CEP295: variants seen among roughly 807,000 people sequenced by gnomAD.
CEP295 encodes the protein centrosomal protein of 295 kDa.
CEP295 carries 190 observed loss-of-function variants against 291.6 expected under a neutral mutation model. The observed-to-expected ratio is 0.65, with a 90% CI of 0.58 to 0.73. The LOEUF (loss-of-function observed/expected upper bound fraction) is 0.73. Among genes scored for constraint, CEP295 ranks in the 30% least tolerant of loss-of-function variants. The pLI is 0.00. For missense variants in CEP295, 2,863 were observed against 2,949.4 expected, an observed-to-expected ratio of 0.97 and a Z score of 0.68; for synonymous variants, 993 against 1,038.8, an observed-to-expected ratio of 0.96 and a Z score of 0.85.
At chr11:93,677,340 A>T (rs1950743895) in intron 6 of CEP295, among the ~76,000 whole-genome samples, 1 of 152,106 alleles carries the variant, frequency 6.6e-6, no homozygotes, top group Admixed American at 6.5e-5. Flanking sequence ...TCATTTGTTC[A>T]GTCAGCCTTT....
intron 15 of CEP295, among the ~76,000 whole-genome samples, chr11:93,701,881 C>T (rs1050689458): frequency 1.3e-5 from 2 of 152,126 alleles, no homozygotes; most frequent in Non-Finnish European, 1.5e-5. Context: ...GGATTACAGG[C>T]GTGAGCCACT....
chr11:93,696,984 A>T lies in CEP295; in HGVS notation c.2072A>T (p.Glu691Val), dbSNP rs1366933597. Residue 691 changes from glutamate (E) to valine (V), a missense_variant, in exon 15 of 30, where the codon GAA (glutamate) becomes GTA (valine). By Grantham distance (121) the Glu-to-Val change is moderately radical. Coordinates refer to ENST00000325212, the MANE Select transcript of CEP295 (RefSeq NM_033395.2). ...HFPQRQVETT[E>V]TLRASDILTN... The stretch of plus-strand genomic sequence containing the variant: ...CCACAAAGACAGGTGGAAACAACAG[A>T]AACATTACGCGCTTCAGATATTTTA... 1 of 1,551,770 alleles carries T rather than the reference A, an allele frequency of 6.4e-7. No individual in the cohort carries two copies. Among genetic ancestry groups the T allele is most frequent in the Admixed American group, 2.0e-5 (1 of 51,014 alleles).
At chr11:93,676,905 T>TAGAAAAA (rs529483517) in intron 6 of CEP295, among the ~76,000 whole-genome samples, 49 of 152,156 alleles carry the variant, frequency 3.2e-4, no homozygotes, top group African/African-American at 1.1e-3. Context: ...GATAAAGGGT[T>TAGAAAAA]AGAAAAAAGT....
intron 5 of CEP295, among the ~76,000 whole-genome samples, chr11:93,673,684 G>T (rs1950553246): frequency 6.6e-6 from 1 of 151,826 alleles, no homozygotes; most frequent in Admixed American, 6.6e-5. Context: ...GTAGAGAAGG[G>T]GTTTCTCCAT....
In CEP295 at chr11:93,730,070, A is replaced by G; in HGVS notation, c.7689A>G (p.Glu2563=). The G allele has an allele frequency of 6.4e-7, 1 of 1,550,754 alleles. No individual in the cohort carries two copies. The highest frequency in any genetic ancestry group is 8.7e-7 in the Non-Finnish European group (1 of 1,146,712). Residue 2563 remains glutamate (E), a synonymous_variant, in exon 29 of 30, where the codon GAA becomes GAG. Coordinates refer to ENST00000325212, the MANE Select transcript of CEP295 (RefSeq NM_033395.2). Reference sequence around the variant, plus strand: ...ACAGGTTATACAATCAACTAGCTGAAGTGAAACAACAAAAGGAAGAAAAAA... The same window carrying G: ...ACAGGTTATACAATCAACTAGCTGAGGTGAAACAACAAAAGGAAGAAAAAA... ...RGLRLYNQLA[E]VKQQKEEKTK... is the part of the protein sequence containing the mutation.
chr11:93,680,681 G>A (rs904070276), intron 7 of CEP295, among the ~76,000 whole-genome samples: 3 of 152,184 alleles, frequency 2.0e-5, no homozygotes, highest in African/African-American at 7.2e-5. Context: ...TCATCAATAT[G>A]TAAAATATTG....
At chr11:93,716,155 C>G (rs1210549905) in intron 18 of CEP295, among the ~76,000 whole-genome samples, 1 of 152,118 alleles carries the variant, frequency 6.6e-6, no homozygotes, top group African/African-American at 2.4e-5. Context: ...ACAAGACTTG[C>G]CAAAACTCAA....
Position 93,708,206 on chromosome 11 carries a change from A to G in CEP295, c.5749+1309A>G, listed in dbSNP as rs372657657. Among the ~76,000 whole-genome samples, 254 of 152,242 alleles carry G rather than the reference A, an allele frequency of 1.7e-3. 1 individual carries two copies. The highest frequency in any genetic ancestry group is 5.7e-3 in the African/African-American group (238 of 41,554). ...TTCAATTATAGTTTTAGTTATTGCA[A>G]AATGTACAAAGAAATTATTCACTAT... On this transcript the variant is annotated intron_variant, in intron 18 of 29. Transcript: ENST00000325212.
chr11:93,688,277 G>A (rs1290764930), intron 10 of CEP295, among the ~76,000 whole-genome samples: 1 of 152,248 alleles, frequency 6.6e-6, no homozygotes, highest in East Asian at 1.9e-4. Context: ...TGAGCGTGTT[G>A]TATTCCCACT....
At chr11:93,667,053 T>C (rs1284380103) in intron 2 of CEP295, among the ~76,000 whole-genome samples, 1 of 152,262 alleles carries the variant, frequency 6.6e-6, no homozygotes, top group Non-Finnish European at 1.5e-5. Context: ...AATAGCTCTT[T>C]ATCTTTTTTA....
chr11:93,724,451 G>A, intron 22 of CEP295, 76 bp downstream of exon 22: 10 of 1,400,992 alleles, frequency 7.1e-6, no homozygotes, highest in East Asian at 2.5e-5. Context: ...TGGAACAAAA[G>A]TTCTTCTAAA....
At chr11:93,720,076 A>AT (rs397810895) in intron 18 of CEP295, among the ~76,000 whole-genome samples, 1 of 151,242 alleles carries the variant, frequency 6.6e-6, no homozygotes. Flanking sequence ...AAAAAAAAAA[A>AT]GCTGGGCGTA....
rs768821330 is a variant in CEP295, at chr11:93,698,136, A to G, written c.3224A>G (p.His1075Arg). The change falls in exon 15 of 30, where the codon CAT becomes CGT. Residue 1075 changes from histidine to arginine, a missense_variant. His to Arg is a conservative substitution (Grantham distance 29, BLOSUM62 0). Around this residue, in one of 3 missense-constraint regions of CEP295, gnomAD observed 2,295 missense variants for 2,335.7 expected, o/e 0.98. Transcript: ENST00000325212. ...TKQRDTLQAR[H>R]EAQVELLLHR... is the part of the protein sequence containing the mutation. ...CAGAGGGATACTCTTCAGGCTAGGC[A>G]TGAAGCTCAGGTGGAATTACTTTTA... 2.6e-6 allele frequency: 4 copies of G among 1,552,266 alleles called. No individual in the cohort carries two copies. The highest frequency in any genetic ancestry group is 3.5e-6 in the Non-Finnish European group (4 of 1,147,108).
intron 18 of CEP295, among the ~76,000 whole-genome samples, chr11:93,708,210 G>C (rs1159278240): frequency 6.6e-6 from 1 of 152,042 alleles, no homozygotes; most frequent in African/African-American, 2.4e-5. Context: ...ATTGCAAAAT[G>C]TACAAAGAAA....
chr11:93,690,075 A>C (rs1028104728), intron 10 of CEP295, among the ~76,000 whole-genome samples: 1 of 152,136 alleles, frequency 6.6e-6, no homozygotes, highest in Non-Finnish European at 1.5e-5. Flanking sequence ...GTTGAAGTCC[A>C]AAAAAGGGAA....
chr11:93,667,495 A>G, intron 2 of CEP295, 112 bp from the exon 3 acceptor site: 2 of 706,622 alleles, frequency 2.8e-6, no homozygotes, highest in Non-Finnish European at 4.6e-6. Context: ...TGAGTATCAA[A>G]GAGAGTTGAC....
intron 6 of CEP295, among the ~76,000 whole-genome samples, chr11:93,677,002 T>C (rs1950727185): frequency 6.6e-6 from 1 of 152,102 alleles, no homozygotes; most frequent in African/African-American, 2.4e-5. Flanking sequence ...GAAGATATGA[T>C]TTCTGAATAT....
chr11:93,721,631 A>G (rs931798832), intron 19 of CEP295: 12 of 753,594 alleles, frequency 1.6e-5, no homozygotes, highest in Non-Finnish European at 2.7e-5. Flanking sequence ...AAGCAAAACT[A>G]TAAAACAATG....
intron 15 of CEP295, among the ~76,000 whole-genome samples, chr11:93,702,238 C>T (rs1041900989): frequency 6.6e-6 from 1 of 152,118 alleles, no homozygotes; most frequent in East Asian, 1.9e-4. Context: ...GGATTGCAGG[C>T]GTGAGCCACC....
Sources: allele counts gnomAD v4.1 joint callset (sites outside exome capture counted in the v4.1 genomes callset), GRCh38; gene constraint gnomAD v4.1.1; regional missense constraint gnomAD v4.1.1; transcripts MANE v1.5; gene names NCBI Gene and HGNC (gene_info 2026-07-23, HGNC 2026-07-21).